Variants in ECM2 observed in about 807,000 individuals in gnomAD.
The protein encoded by ECM2 is extracellular matrix protein 2, female organ and adipocyte specific.
Under a neutral mutation model 67.5 loss-of-function variants are expected in ECM2, and 57 were observed. That is an observed-to-expected ratio of 0.84 (90% CI 0.68 to 1.05). The LOEUF is 1.05. Ranked by LOEUF, ECM2 falls within the 50% of genes least tolerant of loss-of-function variation. ECM2 has a pLI of 0.00. For synonymous variants in ECM2, 258 were observed against 294.5 expected (o/e 0.88, Z 1.27); for missense variants, 741 against 822.8 (o/e 0.90, Z 1.22).
the ECM2 span, among the ~76,000 whole-genome samples, chr9:92,555,933 G>C: frequency 1.4e-4 from 21 of 151,718 alleles, no homozygotes; most frequent in African/African-American, 4.8e-4. Flanking sequence ...TCTTCTGCTG[G>C]GTCTGTGTTT....
At chr9:92,554,248 A>G in the ECM2 span, among the ~76,000 whole-genome samples, 109 of 152,138 alleles carry the variant, frequency 7.2e-4, no homozygotes, top group Admixed American at 1.4e-3. Flanking sequence ...CAATGGCACA[A>G]TCTTGGCTCA....
At chr9:92,544,081 G>C in the ECM2 span, among the ~76,000 whole-genome samples, 14 of 152,216 alleles carry the variant, frequency 9.2e-5, no homozygotes, top group African/African-American at 3.1e-4. Context: ...TTGAATAGAA[G>C]TTGCGTGAGT....
chr9:92,510,580 T>G (rs939440357), intron 5 of ECM2, among the ~76,000 whole-genome samples: 2 of 152,248 alleles, frequency 1.3e-5, no homozygotes, highest in Non-Finnish European at 2.9e-5. Context: ...TCCAGTTGAC[T>G]GTCTGGAAAA....
At chr9:92,557,804 G>A in the ECM2 span, among the ~76,000 whole-genome samples, 3 of 151,908 alleles carry the variant, frequency 2.0e-5, no homozygotes, top group East Asian at 5.8e-4. Flanking sequence ...CACCACGCCC[G>A]ACTAATTTTT....
the ECM2 span, among the ~76,000 whole-genome samples, chr9:92,557,063 C>T: frequency 7.2e-5 from 11 of 152,262 alleles, no homozygotes; most frequent in South Asian, 4.1e-4. Flanking sequence ...TGTCTGAAAA[C>T]GACTATATCT....
At chr9:92,531,744 A>G (rs1162955933) in intron 1 of ECM2, among the ~76,000 whole-genome samples, 1 of 152,028 alleles carries the variant, frequency 6.6e-6, no homozygotes, top group Non-Finnish European at 1.5e-5. Context: ...GTTCCTTCCT[A>G]TATCTACTTT....
At chr9:92,493,878 T>C, downstream of ECM2, 1 of 366,308 alleles carries the variant, frequency 2.7e-6, no homozygotes. Flanking sequence ...CAGAGCAGAG[T>C]TGAGAAGCGA....
chr9:92,532,015 G>GTTTTGT (rs1848797660), intron 1 of ECM2, among the ~76,000 whole-genome samples: 1 of 95,736 alleles, frequency 1.0e-5, no homozygotes, highest in African/African-American at 5.9e-5. Flanking sequence ...TTTATTTAAT[G>GTTTTGT]TTTTTTTTTT....
At chr9:92,541,404 C>T, upstream of ECM2, among the ~76,000 whole-genome samples, 2 of 89,842 alleles carry the variant, frequency 2.2e-5, no homozygotes, top group Non-Finnish European at 4.4e-5. Flanking sequence ...TCCACTGCCA[C>T]CCCCCTTCCC....
In ECM2 at chr9:92,496,264, C is replaced by A; in HGVS notation, c.*51G>T. On this transcript the variant is annotated 3_prime_UTR_variant, in exon 10 of 10. Transcript: ENST00000344604. ...TCTCTCTTATTAATGACAAATGCAG[C>A]TACTACAAATACATGAGTAAAGTTT... 1 of 1,523,060 alleles carries A rather than the reference C, an allele frequency of 6.6e-7. No individual in the cohort carries two copies. The highest frequency in any genetic ancestry group is 1.4e-5 in the South Asian group (1 of 72,844). The allele number at this position is 1,523,060 out of a possible 1,614,324, so 94.3% of individuals were successfully genotyped here.
At chr9:92,508,038 A>G (rs1395976054) in intron 6 of ECM2, among the ~76,000 whole-genome samples, 17 of 152,036 alleles carry the variant, frequency 1.1e-4, no homozygotes. Flanking sequence ...TGGAGCTATA[A>G]TCTGAAAGGT....
chr9:92,547,163 A>T, the ECM2 span, among the ~76,000 whole-genome samples: 50 of 152,346 alleles, frequency 3.3e-4, no homozygotes, highest in Middle Eastern at 3.4e-3. Flanking sequence ...TGCAAAAAAA[A>T]TTTTTGATAA....
In ECM2 at chr9:92,496,098, G is replaced by A; in HGVS notation, c.*217C>T. 1 of 1,176,612 alleles carries A rather than the reference G, an allele frequency of 8.5e-7. No homozygotes were observed. The highest frequency in any genetic ancestry group is 1.0e-6 in the Non-Finnish European group (1 of 953,818). The allele number at this position is 1,176,612 out of a possible 1,614,324, so 72.9% of individuals were successfully genotyped here. ...GTGAGATGGCCTCTTTCTAGAGGTA[G>A]GAAACTGAGAGATTTTACCTTTACT... On this transcript the variant is annotated 3_prime_UTR_variant, in exon 10 of 10. Coordinates refer to ENST00000344604, the MANE Select transcript of ECM2 (RefSeq NM_001393.4).
Position 92,514,742 on chromosome 9 carries a change from G to A in ECM2, c.943C>T (p.Arg315Cys), listed in dbSNP as rs138567683. 1.5e-4 allele frequency: 245 copies of A among 1,614,156 alleles called. No individual in the cohort carries two copies. In the African/African-American group the frequency reaches 2.4e-3, roughly 16 times the overall value. The change falls in exon 4 of 10, where the codon CGC (arginine) becomes TGC (cysteine). Residue 315 changes from arginine (R) to cysteine (C), a missense_variant. Arg to Cys is a radical substitution (Grantham distance 180). Transcript: ENST00000344604. ...GACAGAGAGCACCCGCTTGGCAGGC[G>A]CAGTGTGCCTCTGGGAGGAGCAGGA... ...PLPAPPRGTL[R>C]LPSGCSLSYR...
the ECM2 span, among the ~76,000 whole-genome samples, chr9:92,555,809 T>C: frequency 6.6e-6 from 1 of 152,252 alleles, no homozygotes; most frequent in Non-Finnish European, 1.5e-5. Flanking sequence ...GCTAATGGTC[T>C]ATCAATTTTA....
chr9:92,555,330 G>A, the ECM2 span, among the ~76,000 whole-genome samples: 3 of 140,986 alleles, frequency 2.1e-5, no homozygotes, highest in African/African-American at 8.1e-5. Context: ...AGGTTCAAGC[G>A]ATTCTCCTGC....
At chr9:92,511,123 C>T (rs1847309944) in intron 5 of ECM2, among the ~76,000 whole-genome samples, 1 of 152,034 alleles carries the variant, frequency 6.6e-6, no homozygotes, top group East Asian at 1.9e-4. Flanking sequence ...ATTCTCTCTT[C>T]TTTTCTCCTT....
chr9:92,509,318 T>C (rs1847196996), intron 6 of ECM2, among the ~76,000 whole-genome samples: 1 of 152,228 alleles, frequency 6.6e-6, no homozygotes, highest in Admixed American at 6.5e-5. Context: ...GAAGAGCATG[T>C]GCTTTCTTTG....
chr9:92,542,779 T>G, the ECM2 span, among the ~76,000 whole-genome samples: 1 of 152,198 alleles, frequency 6.6e-6, no homozygotes, highest in Non-Finnish European at 1.5e-5. Context: ...CCCAAAGCGC[T>G]GGGATTACAG....
Sources: gnomAD v4.1 joint callset for allele counts (sites outside exome capture counted in the v4.1 genomes callset) on GRCh38, gnomAD v4.1.1 for gene constraint, MANE v1.5 for transcripts, NCBI Gene and HGNC (gene_info 2026-07-23, HGNC 2026-07-21) for gene names.